Variants in ZC4H2 observed in about 807,000 individuals in gnomAD.
The protein encoded by ZC4H2 is zinc finger C4H2-type containing.
For synonymous variants in ZC4H2, 84 were observed against 66.3 expected (o/e 1.27, Z -1.30); for missense variants, 137 against 173.9 (o/e 0.79, Z 1.19).
At chrX:64,972,196 A>G (rs1422487181) in intron 1 of ZC4H2, among the ~76,000 whole-genome samples, 1 of 111,681 alleles carries the variant, frequency 9.0e-6, no homozygotes, top group African/African-American at 3.3e-5. Flanking sequence ...TTGGGAACAT[A>G]ATGTGGGAGT....
intron 1 of ZC4H2, among the ~76,000 whole-genome samples, chrX:64,941,192 G>A (rs962372171): frequency 1.8e-5 from 2 of 111,695 alleles, no homozygotes; most frequent in Non-Finnish European, 3.8e-5. Context: ...TTGGCTCTCT[G>A]TGTGTCTATT....
chrX:65,010,500 A>G (rs1381310642), intron 1 of ZC4H2, among the ~76,000 whole-genome samples: 2 of 112,074 alleles, frequency 1.8e-5, no homozygotes, highest in African/African-American at 3.2e-5. Context: ...AAATTCCCAT[A>G]AGGAATATTT....
intron 1 of ZC4H2, among the ~76,000 whole-genome samples, chrX:64,952,930 G>C (rs1429252708): frequency 9.0e-6 from 1 of 111,407 alleles, no homozygotes; most frequent in African/African-American, 3.3e-5. Flanking sequence ...TATACTACAA[G>C]GCTACAGTAA....
At chrX:64,953,881 T>C (rs1266519356) in intron 1 of ZC4H2, among the ~76,000 whole-genome samples, 1 of 111,338 alleles carries the variant, frequency 9.0e-6, no homozygotes, top group Non-Finnish European at 1.9e-5. Context: ...ATGTTTATTG[T>C]GGCACTGTTC....
chrX:64,919,827 C>T (rs1929103198), intron 3 of ZC4H2: 1 of 327,081 alleles, frequency 3.1e-6, no homozygotes. Flanking sequence ...AAAAAGCCAC[C>T]TAGTAGTTGT....
intron 1 of ZC4H2, among the ~76,000 whole-genome samples, chrX:64,962,851 G>A (rs1357140453): frequency 9.0e-6 from 1 of 111,149 alleles, no homozygotes; most frequent in East Asian, 2.8e-4. Context: ...ATTGATGAAA[G>A]AAATTAAGGT....
intron 1 of ZC4H2, among the ~76,000 whole-genome samples, chrX:65,015,951 T>C (rs766800372): frequency 1.4e-4 from 15 of 110,866 alleles, no homozygotes; most frequent in Non-Finnish European, 2.5e-4. Context: ...TCCTCCCCAA[T>C]TCCTTCCTAC....
chrX:65,022,199 C>T (rs1411617383), intron 1 of ZC4H2, among the ~76,000 whole-genome samples: 2 of 111,549 alleles, frequency 1.8e-5, no homozygotes, highest in Admixed American at 1.9e-4. Context: ...ATCCTGATAC[C>T]AAAACCTGGC....
intron 1 of ZC4H2, among the ~76,000 whole-genome samples, chrX:65,024,802 A>G (rs1299184056): frequency 8.9e-6 from 1 of 111,816 alleles, no homozygotes; most frequent in African/African-American, 3.3e-5. Context: ...AGAAAACCAA[A>G]TACCACATAT....
At chrX:65,028,801 C>T (rs1006563628) in intron 1 of ZC4H2, among the ~76,000 whole-genome samples, 2 of 111,741 alleles carry the variant, frequency 1.8e-5, no homozygotes, top group African/African-American at 3.3e-5. Flanking sequence ...AGATTACAGG[C>T]ATGAGCCACT....
At chrX:65,021,721 A>C (rs773138194) in intron 1 of ZC4H2, among the ~76,000 whole-genome samples, 2 of 111,331 alleles carry the variant, frequency 1.8e-5, no homozygotes, top group Non-Finnish European at 3.8e-5. Flanking sequence ...CCTTCAAAAA[A>C]TCAATGAATC....
intron 1 of ZC4H2, among the ~76,000 whole-genome samples, chrX:64,941,788 G>T (rs1199072632): frequency 9.0e-6 from 1 of 111,185 alleles, no homozygotes; most frequent in Admixed American, 9.6e-5. Context: ...TGCTGGATTC[G>T]GTTTGCCAGT....
intron 1 of ZC4H2, among the ~76,000 whole-genome samples, chrX:65,009,512 A>G (rs1932724623): frequency 1.8e-5 from 2 of 112,089 alleles, no homozygotes. Flanking sequence ...CTATCTTTTC[A>G]AGGATATTTG....
chrX:64,921,448 T>C (rs1035564023), intron 2 of ZC4H2, among the ~76,000 whole-genome samples: 2 of 112,028 alleles, frequency 1.8e-5, no homozygotes. Context: ...ACTGAAAGCT[T>C]GGAGTGCTTT....
intron 1 of ZC4H2, among the ~76,000 whole-genome samples, chrX:64,938,127 C>G (rs1930098877): frequency 1.8e-5 from 2 of 111,941 alleles, no homozygotes; most frequent in African/African-American, 3.2e-5. Context: ...CACAGAAATA[C>G]AAACTATCAT....
intron 1 of ZC4H2, among the ~76,000 whole-genome samples, chrX:65,001,298 C>T (rs1166172421): frequency 8.9e-6 from 1 of 111,751 alleles, no homozygotes; most frequent in Admixed American, 9.5e-5. Context: ...ATCCAACATT[C>T]TTAAAGAAAA....
At chrX:64,982,548 T>C (rs776575203) in intron 1 of ZC4H2, among the ~76,000 whole-genome samples, 1 of 112,396 alleles carries the variant, frequency 8.9e-6, no homozygotes, top group African/African-American at 3.2e-5. Context: ...ATTCAGTGAA[T>C]AGAAACAGGA....
intron 1 of ZC4H2, among the ~76,000 whole-genome samples, chrX:64,932,946 A>G (rs1929823929): frequency 9.0e-6 from 1 of 111,633 alleles, no homozygotes; most frequent in Non-Finnish European, 1.9e-5. Context: ...ATTCCCTCAA[A>G]TAAGTTTTCC....
chrX:65,033,256 T>C (rs1485460805), intron 1 of ZC4H2, among the ~76,000 whole-genome samples: 1 of 112,647 alleles, frequency 8.9e-6, no homozygotes, highest in Non-Finnish European at 1.9e-5. Context: ...CTAAACCTAA[T>C]TTCAAAAAGA....
Sources: gnomAD v4.1 joint callset for allele counts (sites outside exome capture counted in the v4.1 genomes callset) on GRCh38, gnomAD v4.1.1 for gene constraint, MANE v1.5 for transcripts, NCBI Gene and HGNC (gene_info 2026-07-23, HGNC 2026-07-21) for gene names.